The following CPNE4 variants were observed in gnomAD, a reference collection of about 807,000 sequenced individuals.
CPNE4 encodes the protein copine 4.
CPNE4 carries 25 observed loss-of-function variants against 67.9 expected under a neutral mutation model. That is an observed-to-expected ratio of 0.37 (90% CI 0.27 to 0.51). The LOEUF (loss-of-function observed/expected upper bound fraction) is 0.51. Among genes scored for constraint, CPNE4 ranks in the 20% least tolerant of loss-of-function variants. The probability of loss-of-function intolerance (pLI) is 0.93; values close to 1 mark genes in which losing one functional copy is unlikely to be tolerated. For synonymous variants in CPNE4, 242 were observed against 244.9 expected (o/e 0.99, Z 0.11); for missense variants, 464 against 690.8 (o/e 0.67, Z 3.68).
chr3:131,641,283 A>C (rs917552898), intron 7 of CPNE4, among the ~76,000 whole-genome samples: 8 of 152,320 alleles, frequency 5.3e-5, no homozygotes, highest in African/African-American at 1.9e-4. Flanking sequence ...AAGGACTAAT[A>C]TCCAAAATCT....
chr3:131,903,217 C>T (rs148029184), intron 2 of CPNE4, among the ~76,000 whole-genome samples: 1,817 of 152,140 alleles, frequency 0.012, 38 homozygotes, highest in African/African-American at 0.041. Flanking sequence ...AGAATTTGGT[C>T]CAAGGGATCC....
intron 12 of CPNE4, among the ~76,000 whole-genome samples, chr3:131,553,151 T>C (rs1275766544): frequency 1.3e-5 from 2 of 152,118 alleles, no homozygotes; most frequent in Non-Finnish European, 2.9e-5. Context: ...TCCGAAAACC[T>C]GATAAAACAA....
At chr3:131,567,058 C>G (rs1448504939) in intron 10 of CPNE4, among the ~76,000 whole-genome samples, 1 of 151,960 alleles carries the variant, frequency 6.6e-6, no homozygotes, top group Non-Finnish European at 1.5e-5. Context: ...CTGAAGGCAT[C>G]ATGCTTCTGC....
chr3:131,889,198 T>C (rs1442662219), intron 2 of CPNE4, among the ~76,000 whole-genome samples: 1 of 152,196 alleles, frequency 6.6e-6, no homozygotes, highest in African/African-American at 2.4e-5. Context: ...TTCATTTTAC[T>C]AATGATCAAA....
chr3:131,637,973 A>G (rs928473071), intron 7 of CPNE4, among the ~76,000 whole-genome samples: 1 of 152,200 alleles, frequency 6.6e-6, no homozygotes, highest in Non-Finnish European at 1.5e-5. Flanking sequence ...CCTTTTCCAG[A>G]CAAACAAATG....
intron 1 of CPNE4, among the ~76,000 whole-genome samples, chr3:131,913,785 CTTG>C (rs1217494704): frequency 3.9e-5 from 6 of 152,192 alleles, no homozygotes; most frequent in Non-Finnish European, 8.8e-5. Context: ...ACACTATTTA[CTTG>C]TTGTGTGACC....
In CPNE4 at chr3:131,869,940, G is replaced by T. The variant is rs541060526; in HGVS notation, c.180+35324C>A. 2.0e-5 allele frequency among the ~76,000 whole-genome samples: 3 copies of T among 152,248 alleles called. No homozygotes were observed. The East Asian group carries it at 5.8e-4, about 29-fold the overall frequency. ...TGAATACAGATAATTAATAATTAAA[G>T]AGTAAAATATGCCATTGTCTACAAC... On this transcript the variant is annotated intron_variant, in intron 2 of 15. Transcript: ENST00000429747.
rs1464571117 is a variant in CPNE4, at chr3:131,673,943, G to C, written c.592-4179C>G. On this transcript the variant is annotated intron_variant, in intron 6 of 15. Transcript: ENST00000429747. The stretch of plus-strand genomic sequence containing the variant: ...TTCCCAATTCAGCATGATACTAGCT[G>C]TGGGCTGTTGTATATGGCTTTTGTT... Among the ~76,000 whole-genome samples, 3 of 152,028 alleles carry C rather than the reference G, an allele frequency of 2.0e-5. No individual in the cohort carries two copies. The East Asian group carries it at 5.8e-4, about 29-fold the overall frequency.
In CPNE4 at chr3:131,754,453, G is replaced by A. The variant is rs575774016; in HGVS notation, c.181-30828C>T. On this transcript the variant is annotated intron_variant, in intron 2 of 15. Transcript: ENST00000429747. ...TTTATGTAAAATGGTGTGTGTGTGTGTGACTACCATGTATTCGAAAAACAT... is the reference window on the plus strand; with the variant it reads ...TTTATGTAAAATGGTGTGTGTGTGTATGACTACCATGTATTCGAAAAACAT... Among the ~76,000 whole-genome samples the A allele has an allele frequency of 3.3e-5, 5 of 152,224 alleles. No homozygotes were observed. The East Asian group carries it at 9.6e-4, about 29-fold the overall frequency.
At chr3:131,700,054 C>A (rs892667024) in intron 3 of CPNE4, 74 bp from the exon 4 acceptor site, 3 of 254,758 alleles carry the variant, frequency 1.2e-5, no homozygotes, top group East Asian at 1.0e-4. Context: ...TTTTTTAAAC[C>A]TTTTTTTTTT....
intron 2 of CPNE4, among the ~76,000 whole-genome samples, chr3:131,751,111 G>A (rs2082614207): frequency 6.6e-6 from 1 of 152,006 alleles, no homozygotes; most frequent in Non-Finnish European, 1.5e-5. Context: ...GATTAATTAT[G>A]ATGTATCTTG....
chr3:131,789,005 GACACACACAC>G (rs150450935), intron 2 of CPNE4, among the ~76,000 whole-genome samples: 14 of 133,660 alleles, frequency 1.0e-4, no homozygotes, highest in African/African-American at 3.9e-4. Flanking sequence ...AACTCAACCA[GACACACACAC>G]ACACACACAC....
At position 131,851,068 on chromosome 3, in the gene CPNE4, A is replaced by G. The variant is rs565020729; in HGVS notation, c.180+54196T>C. On this transcript the variant is annotated intron_variant, in intron 2 of 15. Coordinates refer to ENST00000429747, the MANE Select transcript of CPNE4 (RefSeq NM_130808.3). ...ATGAACTAAAACAACACAATGAGGG[A>G]ATGTACTGAAAAAATGTGCATTGCA... is the stretch of plus-strand genomic sequence containing the variant. Among the ~76,000 whole-genome samples, 271 of 150,572 alleles carry G rather than the reference A, an allele frequency of 1.8e-3. 1 individual carries two copies. Among genetic ancestry groups the G allele is most frequent in the South Asian group, 3.2e-3 (15 of 4,714 alleles).
At chr3:131,916,112 G>A (rs1560595262) in intron 1 of CPNE4, among the ~76,000 whole-genome samples, 1 of 152,112 alleles carries the variant, frequency 6.6e-6, no homozygotes, top group Non-Finnish European at 1.5e-5. Flanking sequence ...GGCAACTATA[G>A]TTCCTGAACG....
chr3:131,994,795 G>A (rs2073248619), intron 1 of CPNE4, among the ~76,000 whole-genome samples: 1 of 152,170 alleles, frequency 6.6e-6, no homozygotes, highest in Non-Finnish European at 1.5e-5. Context: ...TTTCTATAAT[G>A]AGACTGTCAC....
At chr3:132,032,022 A>G (rs2074246686) in intron 1 of CPNE4, among the ~76,000 whole-genome samples, 2 of 152,240 alleles carry the variant, frequency 1.3e-5, no homozygotes, top group Admixed American at 6.5e-5. Flanking sequence ...CAGATTAAGT[A>G]TACTTTAGAA....
chr3:131,833,341 T>A (rs1258896142), intron 2 of CPNE4, among the ~76,000 whole-genome samples: 1 of 152,160 alleles, frequency 6.6e-6, no homozygotes, highest in East Asian at 1.9e-4. Flanking sequence ...TCTCTCAATA[T>A]CTACAGCTAA....
At chr3:131,653,909 TA>T (rs1279850076) in intron 7 of CPNE4, among the ~76,000 whole-genome samples, 3 of 152,226 alleles carry the variant, frequency 2.0e-5, no homozygotes, top group African/African-American at 7.2e-5. Context: ...TGTTTCAGAC[TA>T]GGGGCTGTCT....
intron 11 of CPNE4, among the ~76,000 whole-genome samples, chr3:131,562,354 C>T (rs1374509263): frequency 6.6e-6 from 1 of 152,014 alleles, no homozygotes; most frequent in Non-Finnish European, 1.5e-5. Flanking sequence ...GGCTCTGAGG[C>T]TTACTATCTT....
Sources: allele counts gnomAD v4.1 joint callset (sites outside exome capture counted in the v4.1 genomes callset), GRCh38; gene constraint gnomAD v4.1.1; transcripts MANE v1.5; gene names NCBI Gene and HGNC (gene_info 2026-07-23, HGNC 2026-07-21).